Variants in SPTB observed in about 807,000 individuals in gnomAD.
SPTB encodes spectrin beta, erythrocytic, also known as spectrin beta chain, erythrocytic.
Under a neutral mutation model 256.2 loss-of-function variants are expected in SPTB, and 45 were observed. The ratio of observed to expected loss-of-function variants is 0.18; its 90% CI spans 0.14 to 0.23. The LOEUF (loss-of-function observed/expected upper bound fraction) is 0.23, where lower values mean the gene tolerates loss of function less well. Among genes scored for constraint, SPTB ranks in the 10% least tolerant of loss-of-function variants. SPTB has a pLI of 1.00. For missense variants in SPTB, 2,715 were observed against 3,040.4 expected, an observed-to-expected ratio of 0.89 and a Z score of 2.52; for synonymous variants, 1,231 against 1,243.1, an observed-to-expected ratio of 0.99 and a Z score of 0.21.
chr14:64,858,684 G>A (rs1258334937), intron 1 of SPTB, among the ~76,000 whole-genome samples: 1 of 152,178 alleles, frequency 6.6e-6, no homozygotes, highest in Admixed American at 6.5e-5. Flanking sequence ...ACGCATCCCA[G>A]TAAAAGGCTG....
chr14:64,828,761 A>G (rs1291217074), intron 1 of SPTB, among the ~76,000 whole-genome samples: 1 of 152,188 alleles, frequency 6.6e-6, no homozygotes, highest in South Asian at 2.1e-4. Flanking sequence ...GAAAAGCTGG[A>G]TGCCCAATTT....
chr14:64,755,778 A>C (rs1265988891), intron 32 of SPTB: 2 of 152,218 alleles, frequency 1.3e-5, no homozygotes, highest in Admixed American at 1.3e-4. Context: ...TAAGATGCCC[A>C]GTCATCACTC....
chr14:64,783,256 T>C (rs1312467394), intron 19 of SPTB, among the ~76,000 whole-genome samples: 3 of 151,968 alleles, frequency 2.0e-5, no homozygotes, highest in African/African-American at 7.3e-5. Flanking sequence ...CAAGCTGGAA[T>C]GTAGTGGCAC....
chr14:64,804,661 G>A (rs1486141503), intron 3 of SPTB, among the ~76,000 whole-genome samples: 1 of 152,170 alleles, frequency 6.6e-6, no homozygotes, highest in Admixed American at 6.5e-5. Flanking sequence ...GCCATCACAG[G>A]CCAGCTACAG....
Position 64,784,288 on chromosome 14 carries a change from C to G in SPTB, c.3961G>C (p.Glu1321Gln). Residue 1321 changes from glutamate to glutamine, a missense_variant, in exon 19 of 36, where the codon GAG becomes CAG. Around this residue, in one of 4 missense-constraint regions of SPTB, gnomAD observed 2,239 missense variants for 2,384.4 expected, o/e 0.94. Coordinates refer to ENST00000644917, the MANE Select transcript of SPTB (RefSeq NM_001355436.2). Reference sequence around the variant, plus strand: ...AGCCACCCTTCATGGGAAGCCAGCTCTGCCACAAACGCCTGGTGCTTTAGC... The same window carrying G: ...AGCCACCCTTCATGGGAAGCCAGCTGTGCCACAAACGCCTGGTGCTTTAGC... The part of the protein sequence containing the change: ...KWLKHQAFVA[E>Q]LASHEGWLEN... The G allele has an allele frequency of 6.2e-7, 1 of 1,614,260 alleles. No individual in the cohort carries two copies. The highest frequency in any genetic ancestry group is 8.5e-7 in the Non-Finnish European group (1 of 1,180,052).
intron 1 of SPTB, among the ~76,000 whole-genome samples, chr14:64,855,397 C>A (rs529682999): frequency 4.1e-4 from 62 of 152,272 alleles, no homozygotes; most frequent in African/African-American, 1.4e-3. Flanking sequence ...AGAAGTTATT[C>A]TTTATGGCTT....
In SPTB at chr14:64,753,629, C is replaced by G; in HGVS notation, c.6510G>C (p.Pro2170=). 1 of 1,613,650 alleles carries G rather than the reference C, an allele frequency of 6.2e-7. No homozygotes were observed. The highest frequency in any genetic ancestry group is 8.5e-7 in the Non-Finnish European group (1 of 1,180,016). The change falls in exon 33 of 36, where the codon CCG becomes CCC. Residue 2170 remains proline, a synonymous_variant. Transcript: ENST00000644917. ...CACTCTGCCCATGGTCCCGCGGGGCCGGCAGCGTTGCGGGCTCATCACCCT... is the reference window on the plus strand; with the variant it reads ...CACTCTGCCCATGGTCCCGCGGGGCGGGCAGCGTTGCGGGCTCATCACCCT... The part of the protein sequence containing the change: ...LSEGDEPATL[P]APRDHGQSVQ...
chr14:64,782,531 T>C lies in SPTB; in HGVS notation c.4025A>G (p.Glu1342Gly). 1 of 1,614,026 alleles carries C rather than the reference T, an allele frequency of 6.2e-7. No individual in the cohort carries two copies. The change falls in exon 20 of 36, where the codon GAG becomes GGG. Residue 1342 changes from glutamate (E) to glycine (G), a missense_variant. Physicochemically the swap from Glu to Gly is moderately conservative, Grantham distance 98 (BLOSUM62 -2). This residue lies in a region of SPTB where 2,239 missense variants were observed against 2,384.4 expected (regional missense o/e 0.94). Coordinates refer to ENST00000644917, the MANE Select transcript of SPTB (RefSeq NM_001355436.2). Reference protein sequence around the residue: ...IDAEGKQLMDEKPQFTALVSQ... With the variant: ...IDAEGKQLMDGKPQFTALVSQ... Reference sequence around the variant, plus strand: ...CACCAGGGCTGTAAACTGGGGCTTCTCATCCATCAGCTGCTTTCCTTCCTA... The same window carrying C: ...CACCAGGGCTGTAAACTGGGGCTTCCCATCCATCAGCTGCTTTCCTTCCTA...
chr14:64,799,742 C>A lies in SPTB; in HGVS notation c.1064+5G>T. The A allele has an allele frequency of 6.2e-7, 1 of 1,614,086 alleles. No individual in the cohort carries two copies. Among genetic ancestry groups the A allele is most frequent in the South Asian group, 1.1e-5 (1 of 91,076 alleles). ...GACCACCCTCCCATGTGCCAGGGCC[C>A]TTACTTGGGCGGCTTCTCCACGGTG... On this transcript the variant is annotated splice_donor_5th_base_variant and intron_variant, in intron 9 of 35. Coordinates refer to ENST00000644917, the MANE Select transcript of SPTB (RefSeq NM_001355436.2).
chr14:64,860,347 A>T (rs1410953556), intron 1 of SPTB, among the ~76,000 whole-genome samples: 8 of 152,190 alleles, frequency 5.3e-5, no homozygotes, highest in Non-Finnish European at 8.8e-5. Flanking sequence ...TCTACAGAAC[A>T]TCCTGGTGCC....
chr14:64,780,727 A>T (rs752214398), intron 20 of SPTB, among the ~76,000 whole-genome samples: 2 of 152,158 alleles, frequency 1.3e-5, no homozygotes, highest in Non-Finnish European at 2.9e-5. Context: ...AAAATTATTT[A>T]AAAATTTACA....
In SPTB at chr14:64,759,533, G is replaced by T. The variant is rs1444489143; in HGVS notation, c.6346-5740C>A. Among the ~76,000 whole-genome samples, 1 of 152,368 alleles carries T rather than the reference G, an allele frequency of 6.6e-6. No homozygotes were observed. The highest frequency in any genetic ancestry group is 2.1e-4 in the South Asian group (1 of 4,832). ...CCCTGTAAGCAGGCCATGGTCTGAG[G>T]TGGGGACTGCCTTACCCGACAGGAG... On this transcript the variant is annotated intron_variant, in intron 32 of 35. Coordinates refer to ENST00000644917, the MANE Select transcript of SPTB (RefSeq NM_001355436.2). This position sits in a 1 kb window ranked among gnomAD's most constrained non-coding sequence, Gnocchi z 4.8.
At position 64,841,949 on chromosome 14, in the gene SPTB, C is replaced by T. The variant is rs2083614488; in HGVS notation, c.-51-18804G>A. Among the ~76,000 whole-genome samples, 1 of 152,190 alleles carries T rather than the reference C, an allele frequency of 6.6e-6. No homozygotes were observed. Among genetic ancestry groups the T allele is most frequent in the African/African-American group, 2.4e-5 (1 of 41,440 alleles). On this transcript the variant is annotated intron_variant, in intron 1 of 35. Transcript: ENST00000644917. The surrounding 1 kb of genome is among the most constrained non-coding windows in gnomAD (Gnocchi z 4.6). Reference sequence around the variant, plus strand: ...GAAGCAGCCGGGACAAGAGCACCCCCAGTTCTGAGCACAGTAACTGGGCTA... The same window carrying T: ...GAAGCAGCCGGGACAAGAGCACCCCTAGTTCTGAGCACAGTAACTGGGCTA...
At chr14:64,838,906 G>A (rs2083564690) in intron 1 of SPTB, among the ~76,000 whole-genome samples, 1 of 152,134 alleles carries the variant, frequency 6.6e-6, no homozygotes, top group Admixed American at 6.5e-5. Flanking sequence ...GCCGACGCAG[G>A]TGGATCACCT....
At chr14:64,751,245 G>C (rs778317712) in intron 33 of SPTB, among the ~76,000 whole-genome samples, 1 of 151,532 alleles carries the variant, frequency 6.6e-6, no homozygotes. Context: ...TCAGCCTCCC[G>C]AGTAGCTGGG....
chr14:64,869,737 C>T (rs2181127), intron 1 of SPTB, among the ~76,000 whole-genome samples: 8,232 of 150,452 alleles, frequency 0.055, 288 homozygotes, highest in Middle Eastern at 0.09. Flanking sequence ...ATTCTCCCAC[C>T]TTAGCCTCCT....
chr14:64,752,935 G>C (rs1242065880), intron 33 of SPTB, among the ~76,000 whole-genome samples: 2 of 151,986 alleles, frequency 1.3e-5, no homozygotes, highest in Non-Finnish European at 2.9e-5. Context: ...CCAAGGACAT[G>C]ACTGTTTCAG....
chr14:64,800,882 G>A lies in SPTB; in HGVS notation c.764-14C>T. On this transcript the variant is annotated splice_polypyrimidine_tract_variant and intron_variant, in intron 7 of 35. Coordinates refer to ENST00000644917, the MANE Select transcript of SPTB (RefSeq NM_001355436.2). ...CCGTAAAGACATCTGTTAGGGAAAAGGGTGTACTCTCAGGACCAAACTGGA... is the reference window on the plus strand; with the variant it reads ...CCGTAAAGACATCTGTTAGGGAAAAAGGTGTACTCTCAGGACCAAACTGGA... 6.2e-7 allele frequency: 1 copy of A among 1,604,002 alleles called. No homozygotes were observed. The highest frequency in any genetic ancestry group is 1.7e-5 in the Admixed American group (1 of 59,504).
chr14:64,797,415 T>C (rs1404309209), intron 10 of SPTB, among the ~76,000 whole-genome samples: 1 of 134,738 alleles, frequency 7.4e-6, no homozygotes, highest in Non-Finnish European at 1.5e-5. Flanking sequence ...TGCAGTGAGC[T>C]GTGATTGTGC....
Sources: allele counts gnomAD v4.1 joint callset (sites outside exome capture counted in the v4.1 genomes callset), GRCh38; gene constraint gnomAD v4.1.1; regional missense constraint gnomAD v4.1.1; non-coding constraint Gnocchi (gnomAD v3.1); transcripts MANE v1.5; gene names NCBI Gene and HGNC (gene_info 2026-07-23, HGNC 2026-07-21).